PALD1: variants seen among roughly 807,000 people sequenced by gnomAD.
PALD1 encodes phosphatase domain containing paladin 1, also known as paladin.
A neutral mutation model predicts 96.0 loss-of-function variants in PALD1; 57 were observed. The ratio of observed to expected loss-of-function variants is 0.59; its 90% CI spans 0.48 to 0.74. PALD1 has a LOEUF of 0.74. Ranked by LOEUF, PALD1 falls within the 30% of genes least tolerant of loss-of-function variation. The pLI is 0.00. For synonymous variants in PALD1, 464 were observed against 473.6 expected, an observed-to-expected ratio of 0.98 and a Z score of 0.26; for missense variants, 1,063 against 1,143.7, an observed-to-expected ratio of 0.93 and a Z score of 1.02.
intron 18 of PALD1, among the ~76,000 whole-genome samples, chr10:70,556,773 G>C (rs1335765855): frequency 1.3e-5 from 2 of 152,220 alleles, no homozygotes; most frequent in African/African-American, 4.8e-5. Context: ...TGATGGGCTT[G>C]AGGGGATTAA....
At chr10:70,506,013 C>G (rs1846381540) in intron 1 of PALD1, among the ~76,000 whole-genome samples, 1 of 147,508 alleles carries the variant, frequency 6.8e-6, no homozygotes, top group South Asian at 2.3e-4. Context: ...AAAGCAAGAC[C>G]CCATCTCAAA....
chr10:70,551,096 C>T (rs956191961), intron 18 of PALD1, among the ~76,000 whole-genome samples: 2 of 152,180 alleles, frequency 1.3e-5, no homozygotes, highest in African/African-American at 4.8e-5. Context: ...TCACTCCCAG[C>T]CCACGCTCCT....
At chr10:70,531,492 C>T (rs757452784) in intron 5 of PALD1, 38 bp downstream of exon 5, 1 of 1,577,936 alleles carries the variant, frequency 6.3e-7, no homozygotes, top group Admixed American at 1.8e-5. Flanking sequence ...CCCCAGCCCA[C>T]AGCCCAGCTT....
the PALD1 span, among the ~76,000 whole-genome samples, chr10:70,459,828 C>A: frequency 6.6e-6 from 1 of 152,172 alleles, no homozygotes; most frequent in Non-Finnish European, 1.5e-5. Context: ...TCAGCCACCC[C>A]ATAGGTGAAC....
At chr10:70,471,123 GA>G in the PALD1 span, among the ~76,000 whole-genome samples, 1 of 151,956 alleles carries the variant, frequency 6.6e-6, no homozygotes, top group Non-Finnish European at 1.5e-5. Context: ...TGTCCGGCCT[GA>G]ATTTTTGTAT....
chr10:70,462,464 T>C, the PALD1 span, among the ~76,000 whole-genome samples: 1 of 152,250 alleles, frequency 6.6e-6, no homozygotes, highest in Non-Finnish European at 1.5e-5. Context: ...ATGTAATCAA[T>C]GCTCAGTAAA....
intron 1 of PALD1, among the ~76,000 whole-genome samples, chr10:70,506,313 C>T (rs1846389218): frequency 1.3e-5 from 2 of 152,180 alleles, no homozygotes; most frequent in South Asian, 4.1e-4. Context: ...AGCAGTTTCA[C>T]CCCCTTCATG....
At chr10:70,488,881 T>TGGG (rs1245354814) in intron 1 of PALD1, among the ~76,000 whole-genome samples, 1 of 150,796 alleles carries the variant, frequency 6.6e-6, no homozygotes, top group Non-Finnish European at 1.5e-5. Flanking sequence ...ATTCTGCTGC[T>TGGG]GGGGGTCTGG....
chr10:70,473,895 C>A (rs983554420), upstream of PALD1, among the ~76,000 whole-genome samples: 293 of 141,570 alleles, frequency 2.1e-3, 4 homozygotes, highest in Admixed American at 0.015. Context: ...TGATCCACCC[C>A]CCCCCCCTCA....
At chr10:70,509,845 C>G (rs759284778) in intron 1 of PALD1, among the ~76,000 whole-genome samples, 1 of 152,180 alleles carries the variant, frequency 6.6e-6, no homozygotes, top group African/African-American at 2.4e-5. Flanking sequence ...AGCCAGTACA[C>G]CAGCTCTGCT....
In PALD1 at chr10:70,534,443, C is replaced by T. The variant is rs763857251; in HGVS notation, c.1041C>T (p.Ala347=). ...TSQPEAAPTQ[A]KPLPMEQFQV... The stretch of plus-strand genomic sequence containing the variant: ...TCGACAGGGCTGCCCCCACGCAGGC[C>T]AAGCCCCTGCCTATGGAGCAGTTCC... Residue 347 remains alanine, a synonymous_variant, in exon 9 of 20, where the codon GCC becomes GCT. Coordinates refer to ENST00000263563, the MANE Select transcript of PALD1 (RefSeq NM_014431.3). 15 of 1,610,962 alleles carry T rather than the reference C, an allele frequency of 9.3e-6. No homozygotes were observed. The highest frequency in any genetic ancestry group is 1.3e-5 in the Non-Finnish European group (15 of 1,178,482).
chr10:70,477,397 T>G (rs1845842894), upstream of PALD1, among the ~76,000 whole-genome samples: 1 of 152,214 alleles, frequency 6.6e-6, no homozygotes, highest in Admixed American at 6.5e-5. Flanking sequence ...CAGTAAATTG[T>G]GAGCCACTTT....
At position 70,566,666 on chromosome 10, in the gene PALD1, G is replaced by T. The variant is rs758594749; in HGVS notation, c.2504G>T (p.Arg835Met). The change falls in exon 20 of 20, where the codon AGG (arginine) becomes ATG (methionine). Residue 835 changes from arginine (R) to methionine (M), a missense_variant. Transcript: ENST00000263563. ...AGCGGGGAGGACCAGCCCTTCTCCA[G>T]GCTGCGCTACCGGTGGCAGGAGCAG... is the stretch of plus-strand genomic sequence containing the variant. Reference protein sequence around the residue: ...LESGEDQPFSRLRYRWQEQSC... With the variant: ...LESGEDQPFSMLRYRWQEQSC... The T allele has an allele frequency of 1.6e-5, 26 of 1,609,922 alleles. No homozygotes were observed. The South Asian group carries it at 2.9e-4, about 18-fold the overall frequency.
intron 1 of PALD1, among the ~76,000 whole-genome samples, chr10:70,498,430 C>T (rs1002364857): frequency 5.0e-4 from 76 of 152,026 alleles, no homozygotes; most frequent in African/African-American, 1.6e-3. Context: ...CAGGAGTGTG[C>T]GCCACACCTG....
intron 1 of PALD1, among the ~76,000 whole-genome samples, chr10:70,506,177 A>G (rs1471094958): frequency 6.6e-6 from 1 of 152,196 alleles, no homozygotes; most frequent in Admixed American, 6.5e-5. Flanking sequence ...GAAACTAATC[A>G]TTTTTACTGC....
At chr10:70,496,011 A>AAAC (rs138584752) in intron 1 of PALD1, among the ~76,000 whole-genome samples, 13,905 of 150,980 alleles carry the variant, frequency 0.092, 832 homozygotes, top group African/African-American at 0.16. Flanking sequence ...ACTCTATCTC[A>AAAC]AACAACAACA....
At chr10:70,498,317 C>T (rs1382872015) in intron 1 of PALD1, among the ~76,000 whole-genome samples, 3 of 152,114 alleles carry the variant, frequency 2.0e-5, no homozygotes, top group African/African-American at 7.2e-5. Flanking sequence ...GCTCTATCAC[C>T]AGAGCTAGAG....
chr10:70,490,081 C>A (rs1846075171), intron 1 of PALD1, among the ~76,000 whole-genome samples: 1 of 152,126 alleles, frequency 6.6e-6, no homozygotes, highest in Non-Finnish European at 1.5e-5. Context: ...TGCCACCATG[C>A]CCAGCTAATT....
the PALD1 span, among the ~76,000 whole-genome samples, chr10:70,461,548 G>T: frequency 6.6e-6 from 1 of 152,190 alleles, no homozygotes; most frequent in Admixed American, 6.5e-5. Context: ...AGCTGCCAAA[G>T]TTGTCCTGCT....
Sources: gnomAD v4.1 joint callset for allele counts (sites outside exome capture counted in the v4.1 genomes callset) on GRCh38, gnomAD v4.1.1 for gene constraint, MANE v1.5 for transcripts, NCBI Gene and HGNC (gene_info 2026-07-23, HGNC 2026-07-21) for gene names.